IL17A: variants seen among roughly 807,000 people sequenced by gnomAD.
IL17A encodes interleukin-17A.
IL17A carries 1 observed loss-of-function variant against 7.2 expected under a neutral mutation model. The observed-to-expected ratio is 0.14, with a 90% CI of 0.05 to 0.66. The LOEUF is 0.66. Ranked by LOEUF, IL17A falls within the 30% of genes least tolerant of loss-of-function variation. The pLI, the probability that IL17A is intolerant of heterozygous loss-of-function variation, is 0.84. For synonymous variants in IL17A, 90 were observed against 77.7 expected (o/e 1.16, Z -0.83); for missense variants, 191 against 197.1 (o/e 0.97, Z 0.18).
In IL17A at chr6:52,189,195, G is replaced by A. The variant is rs1235568790; in HGVS notation, c.371G>A (p.Arg124Lys). The change falls in exon 3 of 3, where the codon AGG becomes AAG. Residue 124 changes from arginine (R) to lysine (K), a missense_variant. Transcript: ENST00000648244. ...PIQQEILVLRREPPHCPNSFR... is the reference protein window; with the variant it reads ...PIQQEILVLRKEPPHCPNSFR... ...CAGCAAGAGATCCTGGTCCTGCGCA[G>A]GGAGCCTCCACACTGCCCCAACTCC... 1 of 1,614,146 alleles carries A rather than the reference G, an allele frequency of 6.2e-7. No individual in the cohort carries two copies. The highest frequency in any genetic ancestry group is 1.3e-5 in the African/African-American group (1 of 75,052).
chr6:52,189,416 C>A lies in IL17A; in HGVS notation c.*124C>A. ...ACTAAACTCATTAGAGTTCTTAAGG[C>A]AGTTTGTCCAATTAAAGCTTCAGAG... On this transcript the variant is annotated 3_prime_UTR_variant, in exon 3 of 3. Transcript: ENST00000648244. The A allele has an allele frequency of 1.5e-6, 1 of 665,288 alleles. No homozygotes were observed. The allele number at this position is 665,288 out of a possible 1,614,324, so 41.2% of individuals were successfully genotyped here. A position where few individuals can be genotyped will look rare whatever the true frequency, so the allele number is the denominator to read the frequency against.
At chr6:52,186,593 T>G (rs1763289775) in intron 1 of IL17A, 135 bp downstream of exon 1, 1 of 741,116 alleles carries the variant, frequency 1.3e-6, no homozygotes, top group African/African-American at 1.8e-5. Flanking sequence ...AATGAAAGCT[T>G]TGGTAGGTAT....
At position 52,190,537 on chromosome 6, in the gene IL17A, C is replaced by T. The variant is rs1974226; in HGVS notation, c.*1245C>T. The T allele has an allele frequency of 0.15, 23,301 of 152,136 alleles. 1,863 individuals carry two copies. The highest frequency in any genetic ancestry group is 0.22 in the Middle Eastern group (64 of 294). 9.4% of individuals were successfully genotyped at this position (152,136 alleles called of 1,614,324 possible). A position where few individuals can be genotyped will look rare whatever the true frequency, so the allele number is the denominator to read the frequency against. The stretch of plus-strand genomic sequence containing the variant: ...CCAGAAAGGAGCTGATGGGGCAGAA[C>T]GAACTTTAAGTATGAGAAAAGTTCA... On this transcript the variant is annotated 3_prime_UTR_variant, in exon 3 of 3. Transcript: ENST00000648244.
intron 2 of IL17A, among the ~76,000 whole-genome samples, chr6:52,188,131 T>C (rs1016421110): frequency 3.9e-5 from 6 of 152,228 alleles, no homozygotes; most frequent in African/African-American, 1.4e-4. Flanking sequence ...CAAAGAGGAT[T>C]AATGCTTTTA....
In IL17A at chr6:52,189,866, A is replaced by G. The variant is rs1201932945; in HGVS notation, c.*574A>G. 6.6e-6 allele frequency: 1 copy of G among 152,220 alleles called. No homozygotes were observed. The highest frequency in any genetic ancestry group is 1.5e-5 in the Non-Finnish European group (1 of 68,038). The allele number at this position is 152,220 out of a possible 1,614,324, so 9.4% of individuals were successfully genotyped here. Reference sequence around the variant, plus strand: ...GTATTTCCTCCTCTTTGTTTTTAAAAGTTATAACATGGCTGAAAAGAAAGA... The same window carrying G: ...GTATTTCCTCCTCTTTGTTTTTAAAGGTTATAACATGGCTGAAAAGAAAGA... On this transcript the variant is annotated 3_prime_UTR_variant, in exon 3 of 3. Transcript: ENST00000648244.
rs773352770 is a variant in IL17A at position 52,189,169 on chromosome 6, C to A, written c.345C>A (p.Ile115=). 4 of 1,614,160 alleles carry A rather than the reference C, an allele frequency of 2.5e-6. No individual in the cohort carries two copies. In the South Asian group the frequency reaches 4.4e-5, roughly 18 times the overall value. The change falls in exon 3 of 3, where the codon ATC becomes ATA. Residue 115 remains isoleucine (I), a synonymous_variant. Coordinates refer to ENST00000648244, the MANE Select transcript of IL17A (RefSeq NM_002190.3). The part of the protein sequence containing the change: ...NVDYHMNSVP[I]QQEILVLRRE... ...ACTACCACATGAACTCTGTCCCCATCCAGCAAGAGATCCTGGTCCTGCGCA... is the reference window on the plus strand; with the variant it reads ...ACTACCACATGAACTCTGTCCCCATACAGCAAGAGATCCTGGTCCTGCGCA...
Position 52,186,469 on chromosome 6 carries a change from C to T in IL17A, c.27+11C>T. On this transcript the variant is annotated intron_variant, in intron 1 of 2. Transcript: ENST00000648244. Reference sequence around the variant, plus strand: ...AAGACCTCATTGGTGGTGAGTCCTGCACTAACGTGCGATGCTCTTGCTGAT... The same window carrying T: ...AAGACCTCATTGGTGGTGAGTCCTGTACTAACGTGCGATGCTCTTGCTGAT... 6.2e-7 allele frequency: 1 copy of T among 1,613,534 alleles called. No homozygotes were observed. The highest frequency in any genetic ancestry group is 1.1e-5 in the South Asian group (1 of 91,034).
chr6:52,189,464 G>C lies in IL17A; in HGVS notation c.*172G>C. ...GAGGTAACACTTGGCCAAGATATGAGATCTGAATTACCTTTCCCTCTTTCC... is the reference window on the plus strand; with the variant it reads ...GAGGTAACACTTGGCCAAGATATGACATCTGAATTACCTTTCCCTCTTTCC... On this transcript the variant is annotated 3_prime_UTR_variant, in exon 3 of 3. Transcript: ENST00000648244. 1.8e-6 allele frequency: 1 copy of C among 550,594 alleles called. No individual in the cohort carries two copies. Among genetic ancestry groups the C allele is most frequent in the Non-Finnish European group, 3.2e-6 (1 of 312,090 alleles). 34.1% of individuals were successfully genotyped at this position (550,594 alleles called of 1,614,324 possible).
At chr6:52,187,853 T>C (rs780487150) in intron 2 of IL17A, 48 bp downstream of exon 2, 11 of 1,401,486 alleles carry the variant, frequency 7.8e-6, no homozygotes, top group Non-Finnish European at 1.0e-5. Context: ...ATCCCTCTTA[T>C]GCATCAGACT....
chr6:52,188,344 G>A (rs1763319047), intron 2 of IL17A, among the ~76,000 whole-genome samples: 1 of 152,084 alleles, frequency 6.6e-6, no homozygotes, highest in Non-Finnish European at 1.5e-5. Flanking sequence ...AGTATACCCA[G>A]TATTTAGACC....
Position 52,186,424 on chromosome 6 carries a change from AAAC to A in IL17A, c.-4_-2del, listed in dbSNP as rs757834044. On this transcript the variant is annotated 5_prime_UTR_variant, in exon 1 of 3. Coordinates refer to ENST00000648244, the MANE Select transcript of IL17A (RefSeq NM_002190.3). ...TCATCCATCCCCAGTTGATTGGAAGAAACAACGATGACTCCTGGGAAGACCTCA... is the reference window on the plus strand; with the variant it reads ...TCATCCATCCCCAGTTGATTGGAAGAAACGATGACTCCTGGGAAGACCTCA... 159 of 1,613,850 alleles carry A rather than the reference AAAC, an allele frequency of 9.9e-5. No individual in the cohort carries two copies. The highest frequency in any genetic ancestry group is 2.2e-4 in the Admixed American group (13 of 60,006).
At position 52,190,159 on chromosome 6, in the gene IL17A, T is replaced by G. The variant is rs1763353683; in HGVS notation, c.*867T>G. 1 of 152,168 alleles carries G rather than the reference T, an allele frequency of 6.6e-6. No homozygotes were observed. Among genetic ancestry groups the G allele is most frequent in the South Asian group, 2.1e-4 (1 of 4,830 alleles). The allele number at this position is 152,168 out of a possible 1,614,324, so 9.4% of individuals were successfully genotyped here. A position where few individuals can be genotyped will look rare whatever the true frequency, so the allele number is the denominator to read the frequency against. Reference sequence around the variant, plus strand: ...AACAATGACCTGGAAATACCCAAAATTCCAAGTTCTCGATTTCACATGCCT... The same window carrying G: ...AACAATGACCTGGAAATACCCAAAAGTCCAAGTTCTCGATTTCACATGCCT... On this transcript the variant is annotated 3_prime_UTR_variant, in exon 3 of 3. Transcript: ENST00000648244.
Position 52,187,953 on chromosome 6 carries a change from T to G in IL17A, c.230+148T>G, listed in dbSNP as rs1168579159. On this transcript the variant is annotated intron_variant, in intron 2 of 2. Coordinates refer to ENST00000648244, the MANE Select transcript of IL17A (RefSeq NM_002190.3). ...CACTGTGAAGAGCAATTCTCAAACTTTCTACAGATTTCTTTAACCAAGCAC... is the reference window on the plus strand; with the variant it reads ...CACTGTGAAGAGCAATTCTCAAACTGTCTACAGATTTCTTTAACCAAGCAC... The G allele has an allele frequency of 5.9e-6, 4 of 678,406 alleles. No individual in the cohort carries two copies. The East Asian group carries it at 1.1e-4, about 19-fold the overall frequency. The allele number at this position is 678,406 out of a possible 1,614,324, so 42.0% of individuals were successfully genotyped here.
intron 2 of IL17A, 142 bp from the exon 3 acceptor site, chr6:52,188,913 T>G: frequency 1.6e-6 from 1 of 611,768 alleles, no homozygotes; most frequent in Non-Finnish European, 2.8e-6. Context: ...AAAGTTCTTC[T>G]TCAAACTAAC....
intron 1 of IL17A, among the ~76,000 whole-genome samples, chr6:52,187,333 C>A (rs189019731): frequency 6.6e-6 from 1 of 152,162 alleles, no homozygotes; most frequent in Admixed American, 6.5e-5. Flanking sequence ...AAAATTATTG[C>A]CAACCAATGG....
rs1201677417 is a variant in IL17A at position 52,189,001 on chromosome 6, C to A, written c.231-54C>A. On this transcript the variant is annotated intron_variant, in intron 2 of 2. Transcript: ENST00000648244. ...CTCTTCATGTATTCCTGTTTTATTT[C>A]TTTCCCACTTTACCAGGAATTCACT... 1.2e-5 allele frequency: 16 copies of A among 1,368,358 alleles called. No individual in the cohort carries two copies. In the South Asian group the frequency reaches 1.7e-4, roughly 14 times the overall value. 84.8% of individuals were successfully genotyped at this position (1,368,358 alleles called of 1,614,324 possible).
chr6:52,187,025 GAAC>G (rs1763296708), intron 1 of IL17A, among the ~76,000 whole-genome samples: 1 of 152,102 alleles, frequency 6.6e-6, no homozygotes, highest in Non-Finnish European at 1.5e-5. Context: ...GTTAAATTTA[GAAC>G]AACTGGAAAA....
intron 1 of IL17A, 83 bp from the exon 2 acceptor site, chr6:52,187,520 A>G (rs1298998901): frequency 4.8e-6 from 5 of 1,043,442 alleles, no homozygotes; most frequent in East Asian, 2.4e-5. Flanking sequence ...TTAGCAATGC[A>G]TCATCATCAC....
In IL17A at chr6:52,189,208, C is replaced by T. The variant is rs753411725; in HGVS notation, c.384C>T (p.His128=). 6.2e-7 allele frequency: 1 copy of T among 1,614,198 alleles called. No individual in the cohort carries two copies. Among genetic ancestry groups the T allele is most frequent in the Admixed American group, 1.7e-5 (1 of 60,038 alleles). The change falls in exon 3 of 3, where the codon CAC becomes CAT. Residue 128 remains histidine, a synonymous_variant. Transcript: ENST00000648244. ...TGGTCCTGCGCAGGGAGCCTCCACACTGCCCCAACTCCTTCCGGCTGGAGA... is the reference window on the plus strand; with the variant it reads ...TGGTCCTGCGCAGGGAGCCTCCACATTGCCCCAACTCCTTCCGGCTGGAGA... The part of the protein sequence containing the change: ...EILVLRREPP[H]CPNSFRLEKI...
Sources: allele counts gnomAD v4.1 joint callset (sites outside exome capture counted in the v4.1 genomes callset), GRCh38; gene constraint gnomAD v4.1.1; transcripts MANE v1.5; gene names NCBI Gene and HGNC (gene_info 2026-07-23, HGNC 2026-07-21).